The following ADARB1 variants were observed in gnomAD, a reference collection of about 807,000 sequenced individuals.
ADARB1 encodes the protein adenosine deaminase RNA specific B1.
A neutral mutation model predicts 52.4 loss-of-function variants in ADARB1; 10 were observed. The ratio of observed to expected loss-of-function variants is 0.19; its 90% CI spans 0.12 to 0.32. ADARB1 has a LOEUF of 0.32. Among genes scored for constraint, ADARB1 ranks in the 10% least tolerant of loss-of-function variants. ADARB1 has a pLI of 1.00. For synonymous variants in ADARB1, 349 were observed against 371.1 expected (o/e 0.94, Z 0.68); for missense variants, 643 against 922.3 (o/e 0.70, Z 3.92).
At chr21:45,165,979 C>T (rs1427552805) in intron 2 of ADARB1, among the ~76,000 whole-genome samples, 2 of 152,076 alleles carry the variant, frequency 1.3e-5, no homozygotes, top group Admixed American at 1.3e-4. Context: ...ATCAAGTTCA[C>T]CAGTTGTCTT....
intron 2 of ADARB1, among the ~76,000 whole-genome samples, chr21:45,169,166 C>T (rs2091380233): frequency 6.6e-6 from 1 of 152,216 alleles, no homozygotes; most frequent in Admixed American, 6.5e-5. Flanking sequence ...TCTCTCATGA[C>T]TCTGCACTGT....
intron 4 of ADARB1, 127 bp from the exon 5 acceptor site, chr21:45,180,203 T>A: frequency 1.5e-6 from 1 of 688,682 alleles, no homozygotes; most frequent in South Asian, 1.7e-5. Flanking sequence ...CAGATTTACC[T>A]GTGTGGTCTT....
At chr21:45,153,517 A>G (rs1200091907) in intron 2 of ADARB1, among the ~76,000 whole-genome samples, 1 of 152,092 alleles carries the variant, frequency 6.6e-6, no homozygotes, top group Non-Finnish European at 1.5e-5. Flanking sequence ...GCGCTTCACC[A>G]CCACAGGGCC....
At chr21:45,170,172 T>C (rs1484401665) in intron 2 of ADARB1, among the ~76,000 whole-genome samples, 1 of 152,272 alleles carries the variant, frequency 6.6e-6, no homozygotes, top group Non-Finnish European at 1.5e-5. Context: ...ATCTATGTTT[T>C]TCTCACCACA....
intron 2 of ADARB1, among the ~76,000 whole-genome samples, chr21:45,162,714 A>G (rs1043957862): frequency 6.6e-6 from 1 of 152,236 alleles, no homozygotes; most frequent in Admixed American, 6.5e-5. Context: ...GCGCTCCTTC[A>G]TGCAGGTGCT....
At chr21:45,080,124 T>C (rs1366578100) in intron 1 of ADARB1, among the ~76,000 whole-genome samples, 2 of 152,042 alleles carry the variant, frequency 1.3e-5, no homozygotes, top group Non-Finnish European at 2.9e-5. Context: ...CTTGATAGGT[T>C]TGGAGTGGTG....
chr21:45,145,881 T>C (rs1242328012), intron 2 of ADARB1: 1 of 152,190 alleles, frequency 6.6e-6, no homozygotes, highest in East Asian at 1.9e-4. Context: ...TCATATCTCA[T>C]TTAGTAGACC....
intron 2 of ADARB1, chr21:45,133,692 C>T (rs1001773880): frequency 3.5e-5 from 10 of 283,694 alleles, no homozygotes; most frequent in South Asian, 6.0e-5. Flanking sequence ...GGTGTGTGCC[C>T]GACGGTGTGT....
chr21:45,085,502 G>A (rs2086305448), intron 1 of ADARB1, among the ~76,000 whole-genome samples: 1 of 152,138 alleles, frequency 6.6e-6, no homozygotes, highest in South Asian at 2.1e-4. Context: ...GACTCTTTAC[G>A]TCTACTCCAT....
At chr21:45,103,974 T>C (rs1218469508) in intron 1 of ADARB1, among the ~76,000 whole-genome samples, 1 of 152,204 alleles carries the variant, frequency 6.6e-6, no homozygotes, top group African/African-American at 2.4e-5. Flanking sequence ...TCCTTTGGTT[T>C]TGAAAACCGA....
rs2093052973 is a variant in ADARB1 at position 45,225,940 on chromosome 21, C to T, written c.*3743C>T. 1 of 196,104 alleles carries T rather than the reference C, an allele frequency of 5.1e-6. No individual in the cohort carries two copies. The highest frequency in any genetic ancestry group is 2.3e-5 in the African/African-American group (1 of 43,166). The allele number at this position is 196,104 out of a possible 1,614,324, so 12.1% of individuals were successfully genotyped here. The stretch of plus-strand genomic sequence containing the variant: ...CACCCAGCCCCGAGGCCAGTGGTTG[C>T]TCGGGGCCTTCCGTGTGAGTTCTAG... On this transcript the variant is annotated 3_prime_UTR_variant, in exon 11 of 11. Coordinates refer to ENST00000348831, the MANE Select transcript of ADARB1 (RefSeq NM_001112.4).
intron 8 of ADARB1, among the ~76,000 whole-genome samples, chr21:45,194,347 G>A (rs1264204155): frequency 6.6e-6 from 1 of 152,148 alleles, no homozygotes; most frequent in Non-Finnish European, 1.5e-5. Context: ...GTCTGGCTTT[G>A]GACAAATGTA....
intron 2 of ADARB1, among the ~76,000 whole-genome samples, chr21:45,155,331 G>A (rs915040445): frequency 3.3e-5 from 5 of 152,136 alleles, no homozygotes; most frequent in Admixed American, 2.6e-4. Context: ...AGAGTGAGCA[G>A]AGCCAGTTGG....
chr21:45,193,656 A>G lies in ADARB1; in HGVS notation c.1565+8565A>G, dbSNP rs139292185. 2.0e-5 allele frequency among the ~76,000 whole-genome samples: 3 copies of G among 152,372 alleles called. No homozygotes were observed. The East Asian group carries it at 5.8e-4, about 29-fold the overall frequency. The stretch of plus-strand genomic sequence containing the variant: ...AATGAGATGGATATTATACAAAACT[A>G]TGAGAATGAATGAATGATTTTAGCA... On this transcript the variant is annotated intron_variant, in intron 8 of 10. Transcript: ENST00000348831.
At chr21:45,127,748 G>A (rs775092313) in intron 1 of ADARB1, among the ~76,000 whole-genome samples, 12 of 152,050 alleles carry the variant, frequency 7.9e-5, no homozygotes, top group Non-Finnish European at 1.8e-4. Context: ...TTGGAACTCT[G>A]CAATGGAGAA....
At chr21:45,120,244 T>A (rs2088088188) in intron 1 of ADARB1, among the ~76,000 whole-genome samples, 2 of 152,252 alleles carry the variant, frequency 1.3e-5, no homozygotes, top group African/African-American at 4.8e-5. Context: ...GTCTTTGGCC[T>A]CTACCGCACG....
At chr21:45,147,183 C>T (rs1248840671) in intron 2 of ADARB1, among the ~76,000 whole-genome samples, 1 of 152,202 alleles carries the variant, frequency 6.6e-6, no homozygotes, top group African/African-American at 2.4e-5. Context: ...CTGTGCACCT[C>T]ACTTGTTTGA....
At chr21:45,130,081 G>GA (rs2088837159) in intron 2 of ADARB1, among the ~76,000 whole-genome samples, 1 of 152,138 alleles carries the variant, frequency 6.6e-6, no homozygotes, top group South Asian at 2.1e-4. Context: ...TTAGTGATAG[G>GA]AAATCAGCTT....
intron 1 of ADARB1, among the ~76,000 whole-genome samples, chr21:45,121,651 T>G (rs2088196605): frequency 6.6e-6 from 1 of 152,166 alleles, no homozygotes; most frequent in South Asian, 2.1e-4. Context: ...TACTGCCCAG[T>G]TTGGCCATTT....
Sources: allele counts gnomAD v4.1 joint callset (sites outside exome capture counted in the v4.1 genomes callset), GRCh38; gene constraint gnomAD v4.1.1; transcripts MANE v1.5; gene names NCBI Gene and HGNC (gene_info 2026-07-23, HGNC 2026-07-21).